Variants in NEDD4L observed in about 807,000 individuals in gnomAD.
The protein encoded by NEDD4L is E3 ubiquitin-protein ligase NEDD4-like.
NEDD4L carries 54 observed loss-of-function variants against 148.9 expected under a neutral mutation model. The ratio of observed to expected loss-of-function variants is 0.36; its 90% confidence interval spans 0.29 to 0.45. The LOEUF (loss-of-function observed/expected upper bound fraction) is 0.45. Ranked by LOEUF, NEDD4L falls within the 20% of genes least tolerant of loss-of-function variation. The pLI, the probability that NEDD4L is intolerant of heterozygous loss-of-function variation, is 1.00. For missense variants in NEDD4L, 856 were observed against 1,233.8 expected (o/e 0.69, Z 4.59); for synonymous variants, 433 against 440.7 (o/e 0.98, Z 0.22).
At chr18:58,284,214 A>G (rs746222076) in intron 5 of NEDD4L, among the ~76,000 whole-genome samples, 4 of 152,198 alleles carry the variant, frequency 2.6e-5, no homozygotes, top group Admixed American at 1.3e-4. Context: ...ATATATTTTT[A>G]TCATCTTCTT....
chr18:58,120,623 C>CA (rs1168136013), intron 1 of NEDD4L, among the ~76,000 whole-genome samples: 1 of 151,842 alleles, frequency 6.6e-6, no homozygotes, highest in Admixed American at 6.5e-5. Flanking sequence ...ACTAAAAATA[C>CA]AAAAAAATTA....
intron 2 of NEDD4L, chr18:58,195,275 T>G: frequency 2.1e-6 from 1 of 471,956 alleles, no homozygotes; most frequent in Non-Finnish European, 3.5e-6. Flanking sequence ...ACTTCCCTGG[T>G]GTTGTTTTGT....
At chr18:58,325,212 A>G (rs758422815) in intron 9 of NEDD4L, 50 bp downstream of exon 9, 1 of 1,595,366 alleles carries the variant, frequency 6.3e-7, no homozygotes, top group Non-Finnish European at 8.6e-7. Flanking sequence ...CTGCACAGCT[A>G]GGGACAAATA....
Position 58,385,525 on chromosome 18 carries a change from G to C in NEDD4L, c.2427-1G>C, listed in dbSNP as rs2048898905. ...CAATATTGTCCTCTTTTCTCCTGCA[G>C]CTTAGTCATCCAGTGGAGATTTGTG... On this transcript the variant is annotated splice_acceptor_variant, in intron 25 of 30. Transcript: ENST00000400345. LOFTEE classifies it high-confidence loss of function. The C allele has an allele frequency of 6.2e-7, 1 of 1,613,172 alleles. No homozygotes were observed. The highest frequency in any genetic ancestry group is 8.5e-7 in the Non-Finnish European group (1 of 1,179,114).
At chr18:58,061,466 T>C (rs1381454587) in intron 1 of NEDD4L, among the ~76,000 whole-genome samples, 5 of 121,654 alleles carry the variant, frequency 4.1e-5, no homozygotes, top group Non-Finnish European at 6.6e-5. Flanking sequence ...AAGATGCACA[T>C]TGGACTGTGG....
chr18:58,089,742 C>T (rs910361342), intron 1 of NEDD4L, among the ~76,000 whole-genome samples: 2 of 152,008 alleles, frequency 1.3e-5, no homozygotes, highest in East Asian at 1.9e-4. Context: ...AAGATCAAGG[C>T]GTCATGAGGG....
At chr18:58,325,908 A>G (rs2059269302) in intron 9 of NEDD4L, among the ~76,000 whole-genome samples, 1 of 152,230 alleles carries the variant, frequency 6.6e-6, no homozygotes, top group Admixed American at 6.5e-5. Flanking sequence ...GCAAAAAGAA[A>G]GTCTTAAGGA....
intron 1 of NEDD4L, among the ~76,000 whole-genome samples, chr18:58,156,716 G>A (rs2035545908): frequency 6.6e-6 from 1 of 152,120 alleles, no homozygotes; most frequent in Admixed American, 6.5e-5. Flanking sequence ...CTGGGTTAAT[G>A]ACCGCCAGTT....
chr18:58,091,586 A>G (rs185669510), intron 1 of NEDD4L: 2 of 152,292 alleles, frequency 1.3e-5, no homozygotes, highest in East Asian at 1.9e-4. Context: ...AGGGCTTTAC[A>G]TGGACTTACT....
intron 11 of NEDD4L, among the ~76,000 whole-genome samples, chr18:58,331,136 C>G (rs1021520619): frequency 2.0e-5 from 3 of 152,152 alleles, no homozygotes; most frequent in African/African-American, 4.8e-5. Flanking sequence ...TTTGCTCACC[C>G]TTATACCACT....
rs1332565679 is a variant in NEDD4L at position 58,366,944 on chromosome 18, A to G, written c.2063+716A>G. The stretch of plus-strand genomic sequence containing the variant: ...CCTGGTACCAGTCTCCTGGGGGCTC[A>G]TTTGGAAGGCCGCCTCAGTACATTC... On this transcript the variant is annotated intron_variant, in intron 21 of 30. Transcript: ENST00000400345. This position sits in a 1 kb window ranked among gnomAD's most constrained non-coding sequence, Gnocchi z 4.2. 6.6e-6 allele frequency among the ~76,000 whole-genome samples: 1 copy of G among 152,218 alleles called. No individual in the cohort carries two copies. Among genetic ancestry groups the G allele is most frequent in the Non-Finnish European group, 1.5e-5 (1 of 68,032 alleles).
intron 2 of NEDD4L, among the ~76,000 whole-genome samples, chr18:58,214,708 G>T (rs1000479086): frequency 6.6e-6 from 1 of 150,608 alleles, no homozygotes; most frequent in Non-Finnish European, 1.5e-5. Context: ...CAGAGCTTTG[G>T]GGTTTTTTCT....
chr18:58,262,768 G>A (rs1568508169), intron 5 of NEDD4L, among the ~76,000 whole-genome samples: 1 of 152,212 alleles, frequency 6.6e-6, no homozygotes, highest in East Asian at 1.9e-4. Context: ...GGATACAGAG[G>A]AGAATAAATG....
chr18:58,347,807 G>A (rs2043289509), intron 16 of NEDD4L, among the ~76,000 whole-genome samples: 1 of 152,150 alleles, frequency 6.6e-6, no homozygotes. Flanking sequence ...CTATGATTAT[G>A]ATTCAGTGAT....
intron 2 of NEDD4L, among the ~76,000 whole-genome samples, chr18:58,213,567 C>T (rs565680364): frequency 7.2e-5 from 11 of 152,214 alleles, no homozygotes; most frequent in Admixed American, 2.6e-4. Flanking sequence ...GTATGTTAAG[C>T]AGGGAGTGGG....
chr18:58,228,591 G>A (rs774228705), intron 2 of NEDD4L, among the ~76,000 whole-genome samples: 19 of 152,242 alleles, frequency 1.2e-4, no homozygotes, highest in Non-Finnish European at 2.2e-4. Flanking sequence ...CGGAAAAGGC[G>A]AGGTTGGGAC....
At chr18:58,149,431 CT>C (rs1410247584) in intron 1 of NEDD4L, 3 of 1,523,874 alleles carry the variant, frequency 2.0e-6, no homozygotes, top group Non-Finnish European at 2.7e-6. Context: ...GAAAGTTACC[CT>C]TGGCTGCAGC....
In NEDD4L at chr18:58,389,150, C is replaced by A; in HGVS notation, c.2613C>A (p.Asn871Lys). ...GGAGACAGCATTCTATTTACAAGAA[C>A]GGCTACTGCCCAAACCACCCCGTCA... Reference protein sequence around the residue: ...NDWRQHSIYKNGYCPNHPVIQ... With the variant: ...NDWRQHSIYKKGYCPNHPVIQ... The change falls in exon 28 of 31, where the codon AAC becomes AAA. Residue 871 changes from asparagine to lysine, a missense_variant. By Grantham distance (94) the Asn-to-Lys change is moderately conservative. This residue lies in a region of NEDD4L where 286 missense variants were observed against 531.8 expected (regional missense o/e 0.54). Coordinates refer to ENST00000400345, the MANE Select transcript of NEDD4L (RefSeq NM_001144967.3). 1 of 1,613,966 alleles carries A rather than the reference C, an allele frequency of 6.2e-7. No homozygotes were observed.
chr18:58,114,028 G>A (rs573190131), intron 1 of NEDD4L, among the ~76,000 whole-genome samples: 4 of 152,266 alleles, frequency 2.6e-5, no homozygotes, highest in South Asian at 4.1e-4. Context: ...ACTTTGGCTC[G>A]CTTGTGTTGC....
Sources: gnomAD v4.1 joint callset for allele counts (sites outside exome capture counted in the v4.1 genomes callset) on GRCh38, gnomAD v4.1.1 for gene constraint, gnomAD v4.1.1 regional missense constraint, Gnocchi (gnomAD v3.1) non-coding constraint, MANE v1.5 for transcripts, NCBI Gene and HGNC (gene_info 2026-07-23, HGNC 2026-07-21) for gene names.